The following CPS1 variants were observed in gnomAD, a reference collection of about 807,000 sequenced individuals.
CPS1 encodes the protein carbamoyl-phosphate synthase 1, also known as carbamoyl-phosphate synthase [ammonia], mitochondrial.
Under a neutral mutation model 174.6 loss-of-function variants are expected in CPS1, and 109 were observed. The ratio of observed to expected loss-of-function variants is 0.62; its 90% CI spans 0.53 to 0.73. The LOEUF is 0.73. Among genes scored for constraint, CPS1 ranks in the 30% least tolerant of loss-of-function variants. The pLI is 0.00. For synonymous variants in CPS1, 637 were observed against 632.0 expected (o/e 1.01, Z -0.12); for missense variants, 1,689 against 1,821.9 (o/e 0.93, Z 1.33).
At chr2:210,547,560 T>G (rs1183277989) in intron 1 of CPS1, among the ~76,000 whole-genome samples, 1 of 152,032 alleles carries the variant, frequency 6.6e-6, no homozygotes, top group Non-Finnish European at 1.5e-5. Flanking sequence ...GGCAATTCTC[T>G]TGGTACAGTA....
chr2:210,543,816 T>A (rs574501178), intron 1 of CPS1, among the ~76,000 whole-genome samples: 16 of 152,204 alleles, frequency 1.1e-4, no homozygotes, highest in African/African-American at 3.6e-4. Context: ...ATACTCAACT[T>A]GTTGAATGAA....
In CPS1 at chr2:210,556,657, C is replaced by T; in HGVS notation, c.-77C>T. On this transcript the variant is annotated 5_prime_UTR_variant, in exon 1 of 38. Transcript: ENST00000233072. ...CTGCACCCCTCCCAGATTTCTTTTA[C>T]ATTAACTAAAAAGTCTTATCACACA... 6.3e-7 allele frequency: 1 copy of T among 1,594,048 alleles called. No individual in the cohort carries two copies. Among genetic ancestry groups the T allele is most frequent in the Non-Finnish European group, 8.6e-7 (1 of 1,169,580 alleles).
chr2:210,530,348 TTA>T (rs1696086180), intron 1 of CPS1, among the ~76,000 whole-genome samples: 1 of 152,110 alleles, frequency 6.6e-6, no homozygotes. Context: ...TTTTAATACT[TTA>T]TACTTTTTCT....
At chr2:210,639,288 T>A in intron 23 of CPS1, 73 bp downstream of exon 23, 4 of 1,184,060 alleles carry the variant, frequency 3.4e-6, no homozygotes, top group Non-Finnish European at 5.0e-6. Context: ...GAATATATAT[T>A]TTTTACCTCT....
In CPS1 at chr2:210,678,431, G is replaced by T; in HGVS notation, c.*446G>T. On this transcript the variant is annotated 3_prime_UTR_variant, in exon 38 of 38. Transcript: ENST00000233072. ...TAAAAACTTGATAAAATTAAATATAGATTTAATTTATGAACCTTCCATCAT... is the reference window on the plus strand; with the variant it reads ...TAAAAACTTGATAAAATTAAATATATATTTAATTTATGAACCTTCCATCAT... The T allele has an allele frequency of 5.1e-6, 1 of 197,638 alleles. No individual in the cohort carries two copies. Among genetic ancestry groups the T allele is most frequent in the Non-Finnish European group, 1.0e-5 (1 of 95,752 alleles). The allele number at this position is 197,638 out of a possible 1,614,324, so 12.2% of individuals were successfully genotyped here.
At chr2:210,560,742 A>C (rs1488965014) in intron 1 of CPS1, among the ~76,000 whole-genome samples, 7 of 152,178 alleles carry the variant, frequency 4.6e-5, no homozygotes, top group Non-Finnish European at 5.9e-5. Context: ...CTACAATTAG[A>C]ATAATTTACT....
At chr2:210,554,198 T>C (rs966328697), upstream of CPS1, among the ~76,000 whole-genome samples, 11 of 138,838 alleles carry the variant, frequency 7.9e-5, no homozygotes, top group East Asian at 1.0e-3. Flanking sequence ...CACACATATA[T>C]ATATGTATGT....
At chr2:210,612,340 T>C in intron 20 of CPS1, 47 bp downstream of exon 20, 1 of 1,600,102 alleles carries the variant, frequency 6.2e-7, no homozygotes, top group Non-Finnish European at 8.6e-7. Flanking sequence ...TTTTCCAGAA[T>C]GTAGTCAGTC....
intron 20 of CPS1, among the ~76,000 whole-genome samples, chr2:210,614,370 G>T (rs1228847177): frequency 6.6e-6 from 1 of 151,872 alleles, no homozygotes; most frequent in Non-Finnish European, 1.5e-5. Context: ...ACGTGTGCAT[G>T]TGTCTCTATA....
rs138966409 is a variant in CPS1, at chr2:210,632,974, C to T, written c.2688-4728C>T. On this transcript the variant is annotated intron_variant, in intron 21 of 37. Coordinates refer to ENST00000233072, the MANE Select transcript of CPS1 (RefSeq NM_001875.5). ...TTTGAAAATTGGGCAGAAGTTGAAG[C>T]AGTTTTTGGCTCACCAAGAAAATGT... 2.0e-5 allele frequency among the ~76,000 whole-genome samples: 3 copies of T among 152,196 alleles called. No homozygotes were observed. In the East Asian group the frequency reaches 5.8e-4, roughly 29 times the overall value.
At chr2:210,611,655 C>CA (rs1182690323) in intron 19 of CPS1, among the ~76,000 whole-genome samples, 16 of 151,894 alleles carry the variant, frequency 1.1e-4, no homozygotes, top group African/African-American at 3.9e-4. Context: ...TAAGGAAAGC[C>CA]AACCTGTCTT....
chr2:210,522,870 T>G (rs1695865817), intron 1 of CPS1, among the ~76,000 whole-genome samples: 1 of 151,998 alleles, frequency 6.6e-6, no homozygotes, highest in Admixed American at 6.6e-5. Flanking sequence ...GTATTGGAAA[T>G]CATTTGATTG....
In CPS1 at chr2:210,556,844, G is replaced by C. The variant is rs779953205; in HGVS notation, c.111G>C (p.Arg37Ser). 1 of 1,612,936 alleles carries C rather than the reference G, an allele frequency of 6.2e-7. No homozygotes were observed. The highest frequency in any genetic ancestry group is 1.1e-5 in the South Asian group (1 of 91,062). ...QKWKFSRPGIRLLSVKAQTAH... is the reference protein window; with the variant it reads ...QKWKFSRPGISLLSVKAQTAH... The stretch of plus-strand genomic sequence containing the variant: ...GGAAATTTTCAAGACCTGGCATCAG[G>C]CTCCTTTCTGTCAAGGTAATACCCA... The change falls in exon 1 of 38, where the codon AGG becomes AGC. Residue 37 changes from arginine (R) to serine (S), a missense_variant. By Grantham distance (110) the Arg-to-Ser change is moderately radical. Transcript: ENST00000233072.
At chr2:210,576,900 A>C (rs1449101079) in intron 3 of CPS1, among the ~76,000 whole-genome samples, 1 of 152,188 alleles carries the variant, frequency 6.6e-6, no homozygotes, top group Non-Finnish European at 1.5e-5. Flanking sequence ...AAACATATTA[A>C]GATTTCCTAA....
chr2:210,626,498 G>A (rs778093058), intron 21 of CPS1, among the ~76,000 whole-genome samples: 35 of 152,094 alleles, frequency 2.3e-4, no homozygotes, highest in Non-Finnish European at 4.9e-4. Context: ...ACATCTCTAG[G>A]TTTTAATTTC....
intron 1 of CPS1, among the ~76,000 whole-genome samples, chr2:210,541,767 C>T (rs1696437973): frequency 6.6e-6 from 1 of 152,156 alleles, no homozygotes; most frequent in Non-Finnish European, 1.5e-5. Context: ...CTTTACTCAT[C>T]CAGACTGCTT....
intron 1 of CPS1, among the ~76,000 whole-genome samples, chr2:210,534,310 GA>G (rs1696191702): frequency 6.6e-6 from 1 of 152,180 alleles, no homozygotes; most frequent in East Asian, 1.9e-4. Flanking sequence ...CTGGGAAAGG[GA>G]TGAAGGGCAC....
Position 210,654,017 on chromosome 2 carries a change from C to T in CPS1, c.3481-8C>T, listed in dbSNP as rs41272669. 9,499 of 1,612,698 alleles carry T rather than the reference C, an allele frequency of 5.9e-3. 36 individuals carry two copies. Among genetic ancestry groups the T allele is most frequent in the Non-Finnish European group, 7.3e-3 (8,568 of 1,178,712 alleles). ...AATGTTCGGCTCCTCTGTTTTCCTT[C>T]GTGACAGGAGCACCCAGTGGTGCTG... On this transcript the variant is annotated splice_polypyrimidine_tract_variant and splice_region_variant and intron_variant, in intron 28 of 37. Coordinates refer to ENST00000233072, the MANE Select transcript of CPS1 (RefSeq NM_001875.5).
intron 25 of CPS1, among the ~76,000 whole-genome samples, chr2:210,646,851 A>T (rs1700391430): frequency 6.6e-6 from 1 of 152,108 alleles, no homozygotes. Context: ...TCGACTGGAA[A>T]TCTATTTCCT....
Sources: allele counts gnomAD v4.1 joint callset (sites outside exome capture counted in the v4.1 genomes callset), GRCh38; gene constraint gnomAD v4.1.1; transcripts MANE v1.5; gene names NCBI Gene and HGNC (gene_info 2026-07-23, HGNC 2026-07-21).